MEGF11: variants seen among roughly 807,000 people sequenced by gnomAD.
MEGF11 encodes the protein multiple epidermal growth factor-like domains protein 11.
Under a neutral mutation model 146.6 loss-of-function variants are expected in MEGF11, and 126 were observed. The ratio of observed to expected loss-of-function variants is 0.86; its 90% CI spans 0.74 to 1.00. MEGF11 has a LOEUF of 1.00. Ranked by LOEUF, MEGF11 falls within the 50% of genes least tolerant of loss-of-function variation. MEGF11 has a pLI of 0.00. For missense variants in MEGF11, 1,509 were observed against 1,521.2 expected, an observed-to-expected ratio of 0.99 and a Z score of 0.13; for synonymous variants, 532 against 583.4, an observed-to-expected ratio of 0.91 and a Z score of 1.27.
chr15:66,119,490 C>T (rs967813148), intron 3 of MEGF11, among the ~76,000 whole-genome samples: 13 of 152,160 alleles, frequency 8.5e-5, no homozygotes, highest in African/African-American at 2.9e-4. Flanking sequence ...ATGAACTTCT[C>T]CTTAGTTCCT....
chr15:65,928,546 G>C lies in MEGF11; in HGVS notation c.1573-19C>G. On this transcript the variant is annotated intron_variant, in intron 12 of 25. Coordinates refer to ENST00000395614, the MANE Select transcript of MEGF11 (RefSeq NM_001385028.1). ...TGCCATCCTGTGGAGAAGACAGGGA[G>C]AGAAAAATGATCAGACCCAAACCTC... 2.6e-6 allele frequency: 4 copies of C among 1,551,686 alleles called. No individual in the cohort carries two copies. Among genetic ancestry groups the C allele is most frequent in the Non-Finnish European group, 3.5e-6 (4 of 1,136,464 alleles).
intron 1 of MEGF11, among the ~76,000 whole-genome samples, chr15:66,152,677 C>G (rs1567265346): frequency 6.6e-6 from 1 of 152,214 alleles, no homozygotes; most frequent in Admixed American, 6.5e-5. Flanking sequence ...TGAAACCTCC[C>G]CTTCCTTGAC....
intron 5 of MEGF11, among the ~76,000 whole-genome samples, chr15:66,085,822 A>G (rs1230716629): frequency 4.6e-5 from 7 of 152,336 alleles, no homozygotes; most frequent in African/African-American, 1.7e-4. Flanking sequence ...CCAAACCAAG[A>G]AATCCCTGAT....
rs776609072 is a variant in MEGF11 at position 65,913,830 on chromosome 15, G to A, written c.2617C>T (p.Arg873Trp). ...CGGCCCTTCTCTTTCTGCCGCCGCC[G>A]ATGCCAGGCAAATAGGCCCAGCAGC... is the stretch of plus-strand genomic sequence containing the variant. ...VVLLGLFAWH[R>W]RRQKEKGRDL... is the part of the protein sequence containing the mutation. Residue 873 changes from arginine to tryptophan, a missense_variant, in exon 20 of 26, where the codon CGG becomes TGG. By Grantham distance (101) the Arg-to-Trp change is moderately radical. Coordinates refer to ENST00000395614, the MANE Select transcript of MEGF11 (RefSeq NM_001385028.1). The A allele has an allele frequency of 3.1e-6, 5 of 1,613,962 alleles. No individual in the cohort carries two copies. Among genetic ancestry groups the A allele is most frequent in the African/African-American group, 2.7e-5 (2 of 75,038 alleles).
intron 1 of MEGF11, among the ~76,000 whole-genome samples, chr15:66,141,666 A>T (rs1389431799): frequency 6.6e-6 from 1 of 152,010 alleles, no homozygotes; most frequent in Non-Finnish European, 1.5e-5. Context: ...GCCTGAGGGC[A>T]GGATTCTCTC....
At chr15:66,039,050 T>A (rs545888049) in intron 5 of MEGF11, among the ~76,000 whole-genome samples, 11 of 152,284 alleles carry the variant, frequency 7.2e-5, no homozygotes, top group South Asian at 4.2e-4. Context: ...GGAAATGCAG[T>A]CTCGGGCTCC....
At chr15:66,229,593 C>G (rs2091922942) in intron 1 of MEGF11, among the ~76,000 whole-genome samples, 1 of 152,212 alleles carries the variant, frequency 6.6e-6, no homozygotes, top group South Asian at 2.1e-4. Flanking sequence ...AATTCCATCT[C>G]CTACATAGAC....
intron 4 of MEGF11, among the ~76,000 whole-genome samples, chr15:66,095,358 C>T (rs1597077532): frequency 1.3e-5 from 2 of 152,368 alleles, no homozygotes; most frequent in South Asian, 4.1e-4. Flanking sequence ...CCCCATGTGC[C>T]ACCTCCACCA....
chr15:66,192,285 T>C (rs1277753881), intron 1 of MEGF11, among the ~76,000 whole-genome samples: 3 of 146,916 alleles, frequency 2.0e-5, no homozygotes, highest in Non-Finnish European at 3.0e-5. Context: ...CTGGCCAACA[T>C]GGTGAAACCC....
At chr15:66,223,891 G>T (rs1178263125) in intron 1 of MEGF11, among the ~76,000 whole-genome samples, 2 of 152,152 alleles carry the variant, frequency 1.3e-5, no homozygotes, top group East Asian at 3.9e-4. Flanking sequence ...CCAGTGGCCC[G>T]AACTCCTGTA....
chr15:66,031,610 G>T (rs1283030741), intron 5 of MEGF11, among the ~76,000 whole-genome samples: 1 of 152,182 alleles, frequency 6.6e-6, no homozygotes, highest in Non-Finnish European at 1.5e-5. Context: ...GAGGAAGAGT[G>T]GTGGAGAGGC....
chr15:65,975,850 G>A (rs2081427217), intron 7 of MEGF11, among the ~76,000 whole-genome samples: 2 of 152,116 alleles, frequency 1.3e-5, no homozygotes, highest in South Asian at 4.2e-4. Context: ...CATGGTGGGA[G>A]CCCCATATAT....
intron 1 of MEGF11, among the ~76,000 whole-genome samples, chr15:66,154,775 G>A (rs1453890394): frequency 6.6e-6 from 1 of 152,202 alleles, no homozygotes; most frequent in Non-Finnish European, 1.5e-5. Context: ...TGTTGGGCCA[G>A]GAGGTAACCT....
intron 4 of MEGF11, among the ~76,000 whole-genome samples, chr15:66,106,091 C>G (rs1189471948): frequency 6.6e-6 from 1 of 152,198 alleles, no homozygotes; most frequent in Admixed American, 6.5e-5. Flanking sequence ...CTCCCCTTCC[C>G]CACCCCATCA....
chr15:65,908,606 C>T (rs965117082), intron 23 of MEGF11, among the ~76,000 whole-genome samples: 1 of 152,234 alleles, frequency 6.6e-6, no homozygotes, highest in African/African-American at 2.4e-5. Flanking sequence ...GCTTGGGCCA[C>T]TGGGGTTTCT....
chr15:66,027,936 A>C (rs541002327), intron 5 of MEGF11, among the ~76,000 whole-genome samples: 2 of 152,310 alleles, frequency 1.3e-5, no homozygotes, highest in East Asian at 3.9e-4. Context: ...CAGTGAAGAC[A>C]ATTGTCTTGG....
chr15:66,171,226 C>T lies in MEGF11; in HGVS notation c.-8-42815G>A, dbSNP rs116104119. The stretch of plus-strand genomic sequence containing the variant: ...ATGTCCTGCCAGGGGAAGGAGAACA[C>T]CAATGTTTCTGCCAGACCTGCAGGC... On this transcript the variant is annotated intron_variant, in intron 1 of 25. Coordinates refer to ENST00000395614, the MANE Select transcript of MEGF11 (RefSeq NM_001385028.1). Among the ~76,000 whole-genome samples, 798 of 152,296 alleles carry T rather than the reference C, an allele frequency of 5.2e-3. 9 individuals are homozygous for T. Among genetic ancestry groups the T allele is most frequent in the African/African-American group, 0.018 (759 of 41,556 alleles).
At chr15:66,018,575 G>A (rs568782787) in intron 5 of MEGF11, among the ~76,000 whole-genome samples, 44 of 152,310 alleles carry the variant, frequency 2.9e-4, no homozygotes, top group Non-Finnish European at 2.8e-4. Flanking sequence ...GCCCACGACC[G>A]TGAATGACTG....
At position 65,916,668 on chromosome 15, in the gene MEGF11, C is replaced by T. The variant is rs2079008116; in HGVS notation, c.2215+160G>A. 2.3e-6 allele frequency: 3 copies of T among 1,299,054 alleles called. No homozygotes were observed. In the East Asian group the frequency reaches 7.5e-5, roughly 33 times the overall value. The allele number at this position is 1,299,054 out of a possible 1,614,324, so 80.5% of individuals were successfully genotyped here. A position where few individuals can be genotyped will look rare whatever the true frequency, so the allele number is the denominator to read the frequency against. On this transcript the variant is annotated intron_variant, in intron 17 of 25. Transcript: ENST00000395614. Reference sequence around the variant, plus strand: ...AATCCAGTCAGGTCTGGAGCTGCCCCTGCAGAGCTCCTCAGTTCTCGTGGG... The same window carrying T: ...AATCCAGTCAGGTCTGGAGCTGCCCTTGCAGAGCTCCTCAGTTCTCGTGGG...
Sources: allele counts gnomAD v4.1 joint callset (sites outside exome capture counted in the v4.1 genomes callset), GRCh38; gene constraint gnomAD v4.1.1; transcripts MANE v1.5; gene names NCBI Gene and HGNC (gene_info 2026-07-23, HGNC 2026-07-21).